Variants in LINGO2 observed in about 807,000 individuals in gnomAD.
The protein encoded by LINGO2 is leucine rich repeat and Ig domain containing 2, also known as leucine-rich repeat and immunoglobulin-like domain-containing nogo receptor-interacting protein 2.
Under a neutral mutation model 30.6 loss-of-function variants are expected in LINGO2, and 14 were observed. The ratio of observed to expected loss-of-function variants is 0.46; its 90% confidence interval spans 0.30 to 0.72. LINGO2 has a LOEUF of 0.72. Among genes scored for constraint, LINGO2 ranks in the 30% least tolerant of loss-of-function variants. The probability of loss-of-function intolerance (pLI) is 0.07; values close to 1 mark genes in which losing one functional copy is unlikely to be tolerated. For synonymous variants in LINGO2, 317 were observed against 288.5 expected, an observed-to-expected ratio of 1.10 and a Z score of -1.00; for missense variants, 729 against 751.7, an observed-to-expected ratio of 0.97 and a Z score of 0.35.
At chr9:29,042,386 G>C in the LINGO2 span, among the ~76,000 whole-genome samples, 3 of 151,906 alleles carry the variant, frequency 2.0e-5, no homozygotes, top group African/African-American at 4.8e-5. Flanking sequence ...ACAAAAACCT[G>C]TATATGAATG....
At chr9:28,393,191 G>A (rs930622812) in intron 2 of LINGO2, among the ~76,000 whole-genome samples, 5 of 152,208 alleles carry the variant, frequency 3.3e-5, no homozygotes, top group Non-Finnish European at 5.9e-5. Context: ...TACCTACTAT[G>A]TGGGATGTAT....
chr9:28,154,399 C>A (rs1413374737), intron 4 of LINGO2, among the ~76,000 whole-genome samples: 2 of 152,128 alleles, frequency 1.3e-5, no homozygotes, highest in African/African-American at 4.8e-5. Flanking sequence ...TGAACACATG[C>A]AGAACCAAAT....
intron 4 of LINGO2, among the ~76,000 whole-genome samples, chr9:28,141,075 G>T (rs982183691): frequency 6.6e-6 from 1 of 152,084 alleles, no homozygotes; most frequent in East Asian, 1.9e-4. Flanking sequence ...GTATCCTGAT[G>T]CAGAAAATTG....
chr9:28,130,875 T>A lies in LINGO2; in HGVS notation c.-86-118470A>T, dbSNP rs569813605. On this transcript the variant is annotated intron_variant, in intron 4 of 5. Transcript: ENST00000379992. The surrounding 1 kb of genome is among the most constrained non-coding windows in gnomAD (Gnocchi z 5.2). ...TTCCCATGAATGCGTTTGAGGCCTT[T>A]CAAAATAGGGCCTCACATCTATATT... Among the ~76,000 whole-genome samples, 2 of 152,246 alleles carry A rather than the reference T, an allele frequency of 1.3e-5. No individual in the cohort carries two copies. The highest frequency in any genetic ancestry group is 2.4e-5 in the African/African-American group (1 of 41,558).
At chr9:29,189,529 G>A in the LINGO2 span, among the ~76,000 whole-genome samples, 1 of 151,538 alleles carries the variant, frequency 6.6e-6, no homozygotes, top group Non-Finnish European at 1.5e-5. Context: ...CATCTCAGAC[G>A]ATGGGAGGCC....
At chr9:29,037,381 AC>A in the LINGO2 span, among the ~76,000 whole-genome samples, 3 of 151,902 alleles carry the variant, frequency 2.0e-5, no homozygotes, top group Non-Finnish European at 4.4e-5. Flanking sequence ...GTGTATTGTG[AC>A]ATGATAATTG....
At chr9:28,341,721 G>A (rs990463356) in intron 3 of LINGO2, among the ~76,000 whole-genome samples, 14 of 152,080 alleles carry the variant, frequency 9.2e-5, no homozygotes, top group African/African-American at 3.4e-4. Context: ...ACCATATAGC[G>A]TGTGTTTCTA....
the LINGO2 span, among the ~76,000 whole-genome samples, chr9:29,087,433 T>C: frequency 2.0e-5 from 3 of 152,188 alleles, no homozygotes; most frequent in Non-Finnish European, 4.4e-5. Context: ...GGAAACTACA[T>C]TATACAGTTG....
chr9:29,016,566 G>A, the LINGO2 span, among the ~76,000 whole-genome samples: 1 of 152,074 alleles, frequency 6.6e-6, no homozygotes, highest in African/African-American at 2.4e-5. Flanking sequence ...GCCAGCAAAA[G>A]AGAAAATAAA....
the LINGO2 span, among the ~76,000 whole-genome samples, chr9:29,197,067 T>G: frequency 1.3e-5 from 2 of 152,084 alleles, no homozygotes; most frequent in Non-Finnish European, 1.5e-5. Context: ...CTCAAAACTT[T>G]AGGCTGTAGA....
At chr9:29,027,809 C>G in the LINGO2 span, among the ~76,000 whole-genome samples, 1 of 152,114 alleles carries the variant, frequency 6.6e-6, no homozygotes, top group Non-Finnish European at 1.5e-5. Context: ...AATTACTTAA[C>G]TGCCCTAAAC....
intron 4 of LINGO2, among the ~76,000 whole-genome samples, chr9:28,199,397 G>A (rs910816148): frequency 3.5e-5 from 5 of 143,482 alleles, no homozygotes; most frequent in Non-Finnish European, 7.7e-5. Context: ...GGAGTGCAGT[G>A]GCGCGATCTT....
chr9:27,949,592 G>A (rs1380745006), exon 6 of LINGO2: 1 of 1,614,092 alleles, frequency 6.2e-7, no homozygotes, highest in Non-Finnish European at 8.5e-7. Context: ...GAAGGCGGCA[G>A]TCACAGGCCA....
At chr9:29,111,758 C>G in the LINGO2 span, among the ~76,000 whole-genome samples, 3 of 149,764 alleles carry the variant, frequency 2.0e-5, no homozygotes, top group Non-Finnish European at 3.0e-5. Context: ...TTTTGGGAGT[C>G]GGAAGGTGGT....
intron 4 of LINGO2, among the ~76,000 whole-genome samples, chr9:28,285,082 G>A (rs1823458390): frequency 6.6e-6 from 1 of 152,204 alleles, no homozygotes; most frequent in Non-Finnish European, 1.5e-5. Context: ...TTTATGAGGT[G>A]TCAGGCATTG....
At chr9:29,086,012 A>G in the LINGO2 span, among the ~76,000 whole-genome samples, 2 of 152,106 alleles carry the variant, frequency 1.3e-5, no homozygotes, top group African/African-American at 2.4e-5. Flanking sequence ...TTTCTGGAAG[A>G]TATAAAGAAA....
the LINGO2 span, among the ~76,000 whole-genome samples, chr9:28,717,553 C>T: frequency 1.3e-5 from 2 of 151,974 alleles, no homozygotes; most frequent in Admixed American, 6.6e-5. Flanking sequence ...TCTCTTTTCT[C>T]TCCCACACAC....
At chr9:28,706,441 A>G in the LINGO2 span, among the ~76,000 whole-genome samples, 1 of 152,170 alleles carries the variant, frequency 6.6e-6, no homozygotes, top group Non-Finnish European at 1.5e-5. Context: ...TAAAAAATTA[A>G]TGTTACTTAG....
At chr9:28,207,416 A>G (rs1434977374) in intron 4 of LINGO2, among the ~76,000 whole-genome samples, 1 of 152,138 alleles carries the variant, frequency 6.6e-6, no homozygotes, top group African/African-American at 2.4e-5. Flanking sequence ...AGACAGGCTA[A>G]TTAATGCCTT....
Sources: gnomAD v4.1 joint callset for allele counts (sites outside exome capture counted in the v4.1 genomes callset) on GRCh38, gnomAD v4.1.1 for gene constraint, Gnocchi (gnomAD v3.1) non-coding constraint, MANE v1.5 for transcripts, NCBI Gene and HGNC (gene_info 2026-07-23, HGNC 2026-07-21) for gene names.